Variants in PRPSAP2 observed in about 807,000 individuals in gnomAD.
PRPSAP2 encodes phosphoribosyl pyrophosphate synthetase associated protein 2.
Under a neutral mutation model 40.6 loss-of-function variants are expected in PRPSAP2, and 24 were observed. That is an observed-to-expected ratio of 0.59 (90% CI 0.43 to 0.83). The LOEUF is 0.83. Among genes scored for constraint, PRPSAP2 ranks in the 40% least tolerant of loss-of-function variants. The pLI, the probability that PRPSAP2 is intolerant of heterozygous loss-of-function variation, is 0.00. For synonymous variants in PRPSAP2, 149 were observed against 164.7 expected, an observed-to-expected ratio of 0.90 and a Z score of 0.73; for missense variants, 292 against 465.6, an observed-to-expected ratio of 0.63 and a Z score of 3.43.
chr17:18,903,923 T>G (rs2040431263), intron 8 of PRPSAP2, among the ~76,000 whole-genome samples: 1 of 152,144 alleles, frequency 6.6e-6, no homozygotes, highest in African/African-American at 2.4e-5. Context: ...CTCAGCCACA[T>G]GCAAATTCTG....
intron 5 of PRPSAP2, among the ~76,000 whole-genome samples, chr17:18,873,703 T>TTATTACATAAATTAGCTGAGAGG (rs1416476648): frequency 6.6e-6 from 1 of 152,192 alleles, no homozygotes; most frequent in South Asian, 2.1e-4. Flanking sequence ...ATTTACTGTT[T>TTATTACATAAATTAGCTGAGAGG]TATTACATAA....
chr17:18,863,831 C>CTTTTTTTTTTT (rs34770102), intron 1 of PRPSAP2, among the ~76,000 whole-genome samples: 106 of 86,026 alleles, frequency 1.2e-3, no homozygotes, highest in Non-Finnish European at 1.4e-3. Flanking sequence ...ACTGCGTGGC[C>CTTTTTTTTTTT]TTTTTTTTTT....
chr17:18,903,412 G>T (rs1280706387), intron 8 of PRPSAP2, among the ~76,000 whole-genome samples: 1 of 148,126 alleles, frequency 6.8e-6, no homozygotes, highest in African/African-American at 2.6e-5. Flanking sequence ...CACAGTCAAG[G>T]CTTAGGAGTT....
intron 8 of PRPSAP2, among the ~76,000 whole-genome samples, chr17:18,897,455 G>A (rs1194562415): frequency 6.6e-6 from 1 of 151,276 alleles, no homozygotes; most frequent in East Asian, 1.9e-4. Flanking sequence ...CTATAGTGGT[G>A]TTGTTGTTGT....
intron 8 of PRPSAP2, among the ~76,000 whole-genome samples, chr17:18,899,387 C>A (rs1474903770): frequency 6.6e-6 from 1 of 152,026 alleles, no homozygotes; most frequent in Non-Finnish European, 1.5e-5. Context: ...TGCCCTGCCA[C>A]AGCCATTGTT....
intron 8 of PRPSAP2, chr17:18,908,487 A>C: frequency 1.3e-6 from 1 of 760,264 alleles, no homozygotes; most frequent in Non-Finnish European, 2.5e-6. Context: ...GGCACCGGCA[A>C]CGTCAAGCTC....
At chr17:18,899,093 G>A (rs1291993198) in intron 8 of PRPSAP2, among the ~76,000 whole-genome samples, 1 of 152,036 alleles carries the variant, frequency 6.6e-6, no homozygotes, top group Non-Finnish European at 1.5e-5. Flanking sequence ...TAGTAGAGAC[G>A]GGGTTTCTCC....
chr17:18,879,328 A>G (rs2038546691), intron 6 of PRPSAP2, among the ~76,000 whole-genome samples: 1 of 152,134 alleles, frequency 6.6e-6, no homozygotes, highest in Non-Finnish European at 1.5e-5. Flanking sequence ...TCTGTTGCCC[A>G]GTCTGGAGTG....
rs1407995767 is a variant in PRPSAP2 at position 18,911,007 on chromosome 17, C to T, written c.585-96C>T. The T allele has an allele frequency of 7.4e-7, 1 of 1,359,376 alleles. No individual in the cohort carries two copies. The highest frequency in any genetic ancestry group is 1.5e-5 in the African/African-American group (1 of 68,568). 84.2% of individuals were successfully genotyped at this position (1,359,376 alleles called of 1,614,324 possible). On this transcript the variant is annotated intron_variant, in intron 8 of 11. Coordinates refer to ENST00000268835, the MANE Select transcript of PRPSAP2 (RefSeq NM_002767.4). This position sits in a 1 kb window ranked among gnomAD's most constrained non-coding sequence, Gnocchi z 4.5. ...TTTTCTTTAGTCCTTTGGGAGACAA[C>T]ATTCTACTTATGTTCTCTTAATGTT... is the stretch of plus-strand genomic sequence containing the variant.
chr17:18,913,509 T>C (rs2041092089), intron 9 of PRPSAP2, among the ~76,000 whole-genome samples: 1 of 151,198 alleles, frequency 6.6e-6, no homozygotes, highest in Admixed American at 6.6e-5. Flanking sequence ...TTGGGGTCAT[T>C]GAGTCACTGT....
chr17:18,872,998 C>T (rs568377033), intron 5 of PRPSAP2, among the ~76,000 whole-genome samples: 5 of 151,744 alleles, frequency 3.3e-5, no homozygotes, highest in African/African-American at 1.2e-4. Flanking sequence ...GGCGCCACCA[C>T]GCCTGGCTAA....
chr17:18,883,932 A>G (rs1000549556), intron 7 of PRPSAP2, among the ~76,000 whole-genome samples: 1 of 152,090 alleles, frequency 6.6e-6, no homozygotes, highest in African/African-American at 2.4e-5. Flanking sequence ...AAAATGTAAA[A>G]TATTCTGCTT....
intron 9 of PRPSAP2, among the ~76,000 whole-genome samples, chr17:18,912,249 G>A (rs1011029315): frequency 4.6e-5 from 7 of 152,072 alleles, no homozygotes; most frequent in African/African-American, 1.7e-4. Context: ...CTCGTAGATG[G>A]TACCTTCTTG....
At chr17:18,878,392 T>C (rs1048886537) in intron 6 of PRPSAP2, among the ~76,000 whole-genome samples, 9 of 152,160 alleles carry the variant, frequency 5.9e-5, no homozygotes, top group Non-Finnish European at 1.0e-4. Flanking sequence ...TAGATAGGCA[T>C]ATATTGGAAA....
chr17:18,904,645 GTTGT>G (rs1311661629), intron 8 of PRPSAP2: 4 of 152,220 alleles, frequency 2.6e-5, no homozygotes, highest in Non-Finnish European at 5.9e-5. Context: ...TTGTTTTGGA[GTTGT>G]TTGACAATGA....
intron 3 of PRPSAP2, 102 bp from the exon 4 acceptor site, chr17:18,867,175 AACTTT>A (rs2037493406): frequency 8.8e-7 from 1 of 1,132,998 alleles, no homozygotes. Context: ...TAAGAAGAAT[AACTTT>A]ATTTTATTTT....
intron 10 of PRPSAP2, among the ~76,000 whole-genome samples, chr17:18,924,741 C>G (rs2151972782): frequency 6.6e-6 from 1 of 150,464 alleles, no homozygotes; most frequent in South Asian, 2.1e-4. Flanking sequence ...TGCACTCCAG[C>G]CTGGGTGACA....
At chr17:18,890,376 G>A (rs1408033236) in intron 8 of PRPSAP2, among the ~76,000 whole-genome samples, 1 of 151,590 alleles carries the variant, frequency 6.6e-6, no homozygotes, top group Non-Finnish European at 1.5e-5. Context: ...CACCATGTTG[G>A]TCAGGCTGGT....
rs1555555755 is a variant in PRPSAP2 at position 18,897,453 on chromosome 17, G to GTTGTTGTTGTTGTTGTTGT, written c.584+7577_584+7578insTGTTGTTGTTGTTGTTGTT. 2.9e-3 allele frequency among the ~76,000 whole-genome samples: 439 copies of GTTGTTGTTGTTGTTGTTGT among 150,594 alleles called. 1 individual carries two copies. Among genetic ancestry groups the GTTGTTGTTGTTGTTGTTGT allele is most frequent in the African/African-American group, 9.9e-3 (405 of 40,902 alleles). On this transcript the variant is annotated intron_variant, in intron 8 of 11. Coordinates refer to ENST00000268835, the MANE Select transcript of PRPSAP2 (RefSeq NM_002767.4). ...TCTAGAGTGGTGCTTCTCTATAGTGGTGTTGTTGTTGTTGTTGTTGTTGTT... is the reference window on the plus strand; with the variant it reads ...TCTAGAGTGGTGCTTCTCTATAGTGGTTGTTGTTGTTGTTGTTGTTGTTGTTGTTGTTGTTGTTGTTGTT...
Sources: gnomAD v4.1 joint callset for allele counts (sites outside exome capture counted in the v4.1 genomes callset) on GRCh38, gnomAD v4.1.1 for gene constraint, Gnocchi (gnomAD v3.1) non-coding constraint, MANE v1.5 for transcripts, NCBI Gene and HGNC (gene_info 2026-07-23, HGNC 2026-07-21) for gene names.